SORCS2: variants seen among roughly 807,000 people sequenced by gnomAD.
The protein encoded by SORCS2 is sortilin related VPS10 domain containing receptor 2.
In SORCS2, 100 loss-of-function variants were observed where a neutral mutation model predicts 141.6. That is an observed-to-expected ratio of 0.71 (90% CI 0.60 to 0.83). SORCS2 has a LOEUF of 0.83. Ranked by LOEUF, SORCS2 falls within the 40% of genes least tolerant of loss-of-function variation. The probability of loss-of-function intolerance (pLI) is 0.00; values close to 1 mark genes in which losing one functional copy is unlikely to be tolerated. For missense variants in SORCS2, 1,646 were observed against 1,560.2 expected, an observed-to-expected ratio of 1.05 and a Z score of -0.93; for synonymous variants, 789 against 676.9, an observed-to-expected ratio of 1.17 and a Z score of -2.57.
intron 1 of SORCS2, among the ~76,000 whole-genome samples, chr4:7,341,973 C>G (rs1720393621): frequency 6.6e-6 from 1 of 152,214 alleles, no homozygotes; most frequent in South Asian, 2.1e-4. Context: ...CTTCTGCCTT[C>G]CTTTACAAAG....
chr4:7,695,756 A>G (rs1352141549), intron 11 of SORCS2, among the ~76,000 whole-genome samples: 1 of 4,020 alleles, frequency 2.5e-4, no homozygotes, highest in Non-Finnish European at 5.4e-4. Context: ...GGATGGATGG[A>G]TGGATGGATG....
At chr4:7,516,681 G>T (rs1733005237) in intron 2 of SORCS2, among the ~76,000 whole-genome samples, 1 of 152,154 alleles carries the variant, frequency 6.6e-6, no homozygotes, top group South Asian at 2.1e-4. Flanking sequence ...GTGCTTTCCA[G>T]GAACACGGCA....
intron 11 of SORCS2, among the ~76,000 whole-genome samples, chr4:7,692,657 A>C (rs1301453637): frequency 1.3e-5 from 2 of 152,192 alleles, no homozygotes. Flanking sequence ...GCAGGGCCAG[A>C]AGCATCCTGA....
In SORCS2 at chr4:7,193,433, C is replaced by G. The variant is rs905810856; in HGVS notation, c.480+307C>G. Among the ~76,000 whole-genome samples the G allele has an allele frequency of 5.3e-5, 8 of 152,114 alleles. No homozygotes were observed. Among genetic ancestry groups the G allele is most frequent in the African/African-American group, 1.9e-4 (8 of 41,396 alleles). On this transcript the variant is annotated intron_variant, in intron 1 of 26. Coordinates refer to ENST00000507866, the MANE Select transcript of SORCS2 (RefSeq NM_020777.3). This position sits in a 1 kb window ranked among gnomAD's most constrained non-coding sequence, Gnocchi z 4.8. ...GGTCTTGGGTTACGGAGGAGGACCC[C>G]AGAACCTTCGGAAGCCTGCAGGTCC... is the stretch of plus-strand genomic sequence containing the variant.
In SORCS2 at chr4:7,690,344, T is replaced by G. The variant is rs1445915917; in HGVS notation, c.1591+756T>G. Among the ~76,000 whole-genome samples the G allele has an allele frequency of 9.6e-5, 12 of 124,858 alleles. 1 individual carries two copies. The Admixed American group carries it at 9.8e-4, about 10-fold the overall frequency. The allele number at this position is 124,858 out of a possible 152,430, so 81.9% of individuals were successfully genotyped here. On this transcript the variant is annotated intron_variant, in intron 11 of 26. Transcript: ENST00000507866. ...ATAGGTGGACGGGTGGGTGGGTGGG[T>G]GTGTGGATGGATGGATGAGTGGGTG...
chr4:7,338,871 G>A (rs1212981357), intron 1 of SORCS2, among the ~76,000 whole-genome samples: 2 of 152,222 alleles, frequency 1.3e-5, no homozygotes, highest in Non-Finnish European at 2.9e-5. Context: ...CCAAGGCTCT[G>A]TGGACGGCAG....
At chr4:7,378,456 C>T (rs1722788964) in intron 1 of SORCS2, among the ~76,000 whole-genome samples, 3 of 152,180 alleles carry the variant, frequency 2.0e-5, no homozygotes, top group South Asian at 4.1e-4. Flanking sequence ...GCAAACACGT[C>T]CTTCTTCACA....
intron 3 of SORCS2, among the ~76,000 whole-genome samples, chr4:7,546,128 C>G (rs1713244196): frequency 6.6e-6 from 1 of 152,192 alleles, no homozygotes. Context: ...GGGGTTCAGC[C>G]TGTGAACTGG....
At chr4:7,544,582 T>G (rs1054632338) in intron 3 of SORCS2, among the ~76,000 whole-genome samples, 3 of 152,252 alleles carry the variant, frequency 2.0e-5, no homozygotes, top group Non-Finnish European at 4.4e-5. Context: ...TCTCAGGGGA[T>G]GCTTCCTCCA....
chr4:7,581,785 T>C (rs1014638561), intron 3 of SORCS2, among the ~76,000 whole-genome samples: 1 of 152,202 alleles, frequency 6.6e-6, no homozygotes, highest in Non-Finnish European at 1.5e-5. Flanking sequence ...GTCCAGAGTC[T>C]GGATGCTAGG....
At chr4:7,677,495 G>A (rs1300766295) in intron 9 of SORCS2, among the ~76,000 whole-genome samples, 2 of 152,180 alleles carry the variant, frequency 1.3e-5, no homozygotes, top group Non-Finnish European at 2.9e-5. Context: ...TGAGCCTGGT[G>A]CCCTCCTCTT....
rs1719758293 is a variant in SORCS2 at position 7,333,112 on chromosome 4, G to GAGCAA, written c.481-63176_481-63175insAGCAA. 2.0e-5 allele frequency among the ~76,000 whole-genome samples: 3 copies of GAGCAA among 152,188 alleles called. No homozygotes were observed. The South Asian group carries it at 6.2e-4, about 32-fold the overall frequency. On this transcript the variant is annotated intron_variant, in intron 1 of 26. Transcript: ENST00000507866. ...GGAGAGCAAGTGGATGGGACAAGGC[G>GAGCAA]GTGTGGCCGTGCAGGCAGGAAGGCA...
intron 1 of SORCS2, among the ~76,000 whole-genome samples, chr4:7,216,544 G>C (rs1728360457): frequency 6.6e-6 from 1 of 152,182 alleles, no homozygotes; most frequent in Admixed American, 6.5e-5. Flanking sequence ...CCTTCAGGAG[G>C]CTCCAGGGGA....
At chr4:7,693,364 C>T (rs1309864107) in intron 11 of SORCS2, among the ~76,000 whole-genome samples, 1 of 152,238 alleles carries the variant, frequency 6.6e-6, no homozygotes, top group African/African-American at 2.4e-5. Flanking sequence ...CTGCCTCCCA[C>T]CACCCCTTTG....
chr4:7,634,861 A>G (rs1157451922), intron 3 of SORCS2, among the ~76,000 whole-genome samples: 1 of 152,222 alleles, frequency 6.6e-6, no homozygotes, highest in Non-Finnish European at 1.5e-5. Context: ...CTTCCTCCCA[A>G]GAACCCACAA....
At chr4:7,500,958 A>G (rs1399922509) in intron 2 of SORCS2, among the ~76,000 whole-genome samples, 1 of 152,202 alleles carries the variant, frequency 6.6e-6, no homozygotes, top group South Asian at 2.1e-4. Context: ...TGGCCTTCCC[A>G]GGGAGCTCGG....
intron 2 of SORCS2, among the ~76,000 whole-genome samples, chr4:7,495,114 TGCTGGTACTA>T (rs1365549779): frequency 6.6e-6 from 1 of 152,204 alleles, no homozygotes; most frequent in African/African-American, 2.4e-5. Context: ...CTGTCAGCGG[TGCTGGTACTA>T]CAGTCAGCTT....
At chr4:7,322,128 T>G (rs1381468850) in intron 1 of SORCS2, among the ~76,000 whole-genome samples, 2 of 152,128 alleles carry the variant, frequency 1.3e-5, no homozygotes, top group Admixed American at 1.3e-4. Context: ...GGTGTGCTCA[T>G]TAGACCAGAT....
chr4:7,572,162 G>T (rs1715447270), intron 3 of SORCS2, among the ~76,000 whole-genome samples: 2 of 152,134 alleles, frequency 1.3e-5, no homozygotes. Flanking sequence ...TCTTCCTTGG[G>T]GCCAAATATA....
Sources: gnomAD v4.1 joint callset for allele counts (sites outside exome capture counted in the v4.1 genomes callset) on GRCh38, gnomAD v4.1.1 for gene constraint, Gnocchi (gnomAD v3.1) non-coding constraint, MANE v1.5 for transcripts, NCBI Gene and HGNC (gene_info 2026-07-23, HGNC 2026-07-21) for gene names.